RELN: variants seen among roughly 807,000 people sequenced by gnomAD.
RELN encodes reelin.
In RELN, 108 loss-of-function variants were observed where a neutral mutation model predicts 427.6. The observed-to-expected ratio is 0.25, with a 90% CI of 0.22 to 0.30. The LOEUF is 0.30. Among genes scored for constraint, RELN ranks in the 10% least tolerant of loss-of-function variants. The pLI is 1.00. For synonymous variants in RELN, 1,524 were observed against 1,513.4 expected, an observed-to-expected ratio of 1.01 and a Z score of -0.16; for missense variants, 3,715 against 4,302.8, an observed-to-expected ratio of 0.86 and a Z score of 3.82.
chr7:103,680,766 C>T (rs113772818), intron 11 of RELN, among the ~76,000 whole-genome samples: 5,345 of 151,936 alleles, frequency 0.035, 309 homozygotes, highest in African/African-American at 0.12. Context: ...TGGTTTCTGG[C>T]GTCTCAAGGA....
chr7:103,926,765 C>T (rs1182580685), intron 1 of RELN, among the ~76,000 whole-genome samples: 1 of 151,436 alleles, frequency 6.6e-6, no homozygotes, highest in Non-Finnish European at 1.5e-5. Context: ...CTGCCTCAGC[C>T]TCCCGAGTAG....
chr7:103,943,052 A>G (rs529177719), intron 1 of RELN, among the ~76,000 whole-genome samples: 58 of 152,350 alleles, frequency 3.8e-4, no homozygotes, highest in African/African-American at 1.3e-3. Context: ...GTACAGACAT[A>G]GCCAGAAATA....
In RELN at chr7:103,960,122, T is replaced by C. The variant is rs78299389; in HGVS notation, c.226+29009A>G. On this transcript the variant is annotated intron_variant, in intron 1 of 64. Coordinates refer to ENST00000428762, the MANE Select transcript of RELN (RefSeq NM_005045.4). The stretch of plus-strand genomic sequence containing the variant: ...TTTGAAAAGAAGAAATTAGATTATG[T>C]CGTTCCTTGGCTCAAAACCCTTCAA... Among the ~76,000 whole-genome samples, 1,352 of 152,294 alleles carry C rather than the reference T, an allele frequency of 8.9e-3. 17 individuals are homozygous for C. The highest frequency in any genetic ancestry group is 0.029 in the African/African-American group (1,225 of 41,558).
chr7:103,853,575 A>C (rs190272596), intron 2 of RELN, among the ~76,000 whole-genome samples: 14 of 152,174 alleles, frequency 9.2e-5, no homozygotes, highest in Admixed American at 4.6e-4. Flanking sequence ...AAGAGAAACA[A>C]ATTTATTTTT....
chr7:103,818,014 TA>T (rs1242479364), intron 3 of RELN, among the ~76,000 whole-genome samples: 1 of 151,228 alleles, frequency 6.6e-6, no homozygotes, highest in Non-Finnish European at 1.5e-5. Flanking sequence ...TCTCACTTTT[TA>T]AAAAAAGATC....
intron 2 of RELN, among the ~76,000 whole-genome samples, chr7:103,903,615 T>C (rs1156843790): frequency 6.6e-6 from 1 of 152,148 alleles, no homozygotes; most frequent in African/African-American, 2.4e-5. Context: ...GCAACTTCTG[T>C]CAGAGAATCT....
At chr7:103,787,515 C>T (rs1008515875) in intron 3 of RELN, among the ~76,000 whole-genome samples, 2 of 152,054 alleles carry the variant, frequency 1.3e-5, no homozygotes, top group African/African-American at 4.8e-5. Context: ...ACCACTGATC[C>T]CACAGAAATA....
intron 2 of RELN, among the ~76,000 whole-genome samples, chr7:103,881,382 C>T (rs1315397182): frequency 1.3e-5 from 2 of 152,112 alleles, no homozygotes; most frequent in South Asian, 4.1e-4. Flanking sequence ...CCTGGCACTT[C>T]TGATTTCCTA....
intron 3 of RELN, among the ~76,000 whole-genome samples, chr7:103,801,106 A>C (rs1291462115): frequency 6.6e-6 from 1 of 152,222 alleles, no homozygotes; most frequent in East Asian, 1.9e-4. Flanking sequence ...GAGGTGGAGA[A>C]ATAGGAATGC....
chr7:103,497,876 C>CAAG lies in RELN; in HGVS notation c.8891_8893dup (p.Ser2964dup). ...TTCCTTCCGGCAGATGGGACGATGG[C>CAAG]AAGAGGTCATGTTGTTCTCACTACC... is the stretch of plus-strand genomic sequence containing the variant. On this transcript the variant is annotated inframe_insertion, in exon 55 of 65. Coordinates refer to ENST00000428762, the MANE Select transcript of RELN (RefSeq NM_005045.4). 6.2e-7 allele frequency: 1 copy of CAAG among 1,614,128 alleles called. No homozygotes were observed. Among genetic ancestry groups the CAAG allele is most frequent in the Admixed American group, 1.7e-5 (1 of 59,992 alleles).
At chr7:103,764,766 G>A (rs552027637) in intron 4 of RELN, among the ~76,000 whole-genome samples, 5 of 150,888 alleles carry the variant, frequency 3.3e-5, no homozygotes, top group Non-Finnish European at 7.4e-5. Flanking sequence ...AACCTGGGAG[G>A]CGGAGTTTGC....
rs760699621 is a variant in RELN at position 103,694,012 on chromosome 7, C to T, written c.1143+3841G>A. Among the ~76,000 whole-genome samples, 6 of 152,136 alleles carry T rather than the reference C, an allele frequency of 3.9e-5. No homozygotes were observed. The East Asian group carries it at 5.8e-4, about 15-fold the overall frequency. Reference sequence around the variant, plus strand: ...ATTTTGAAAACAAAATCAGCTGTTACGATGTGGAAGAAAGGGAAGCAAACA... The same window carrying T: ...ATTTTGAAAACAAAATCAGCTGTTATGATGTGGAAGAAAGGGAAGCAAACA... On this transcript the variant is annotated intron_variant, in intron 10 of 64. Coordinates refer to ENST00000428762, the MANE Select transcript of RELN (RefSeq NM_005045.4).
chr7:103,473,579 G>A (rs1827930749), intron 64 of RELN, among the ~76,000 whole-genome samples: 1 of 152,136 alleles, frequency 6.6e-6, no homozygotes, highest in East Asian at 1.9e-4. Context: ...GTAACCAAAT[G>A]TATAATTGTA....
intron 2 of RELN, among the ~76,000 whole-genome samples, chr7:103,841,271 T>A (rs775429235): frequency 6.6e-6 from 1 of 152,192 alleles, no homozygotes; most frequent in Non-Finnish European, 1.5e-5. Flanking sequence ...TTGCTGTAAT[T>A]TCTGTACCAA....
chr7:103,556,156 G>A (rs1327509408), intron 38 of RELN, among the ~76,000 whole-genome samples: 2 of 152,142 alleles, frequency 1.3e-5, no homozygotes, highest in Non-Finnish European at 2.9e-5. Flanking sequence ...TATGTGATAA[G>A]AATATTTTAT....
In RELN at chr7:103,553,790, C is replaced by T. The variant is rs932384386; in HGVS notation, c.5839G>A (p.Asp1947Asn). ...EIWIVDDFII[D>N]GNNVNNPVML... ...ACAGGGTTGTTTACATTATTTCCATCGATAATGAAGTCATCAACAATCCAG... is the reference window on the plus strand; with the variant it reads ...ACAGGGTTGTTTACATTATTTCCATTGATAATGAAGTCATCAACAATCCAG... Residue 1947 changes from aspartate to asparagine, a missense_variant, in exon 39 of 65, where the codon GAT becomes AAT. Asp to Asn is a conservative substitution (Grantham distance 23). Coordinates refer to ENST00000428762, the MANE Select transcript of RELN (RefSeq NM_005045.4). 9 of 1,613,908 alleles carry T rather than the reference C, an allele frequency of 5.6e-6. No individual in the cohort carries two copies. Among genetic ancestry groups the T allele is most frequent in the African/African-American group, 1.3e-5 (1 of 75,026 alleles).
intron 2 of RELN, among the ~76,000 whole-genome samples, chr7:103,837,567 CTCTG>C (rs1472824962): frequency 2.0e-5 from 3 of 152,186 alleles, no homozygotes; most frequent in African/African-American, 7.2e-5. Flanking sequence ...TCAATGTAGT[CTCTG>C]TCTAACACCA....
At chr7:103,768,772 T>TCACC (rs1426737099) in intron 4 of RELN, among the ~76,000 whole-genome samples, 8 of 152,134 alleles carry the variant, frequency 5.3e-5, no homozygotes, top group Admixed American at 5.2e-4. Flanking sequence ...ACAGAGCATG[T>TCACC]TAAGGGAGTC....
intron 12 of RELN, among the ~76,000 whole-genome samples, chr7:103,657,787 T>C (rs139244794): frequency 2.0e-3 from 300 of 152,306 alleles, no homozygotes; most frequent in African/African-American, 6.9e-3. Context: ...TGGATTCTTC[T>C]TCAGCTTCAT....
Sources: gnomAD v4.1 joint callset for allele counts (sites outside exome capture counted in the v4.1 genomes callset) on GRCh38, gnomAD v4.1.1 for gene constraint, MANE v1.5 for transcripts, NCBI Gene and HGNC (gene_info 2026-07-23, HGNC 2026-07-21) for gene names.